The following PPP4R3A variants were observed in gnomAD, a reference collection of about 807,000 sequenced individuals.
PPP4R3A encodes protein phosphatase 4 regulatory subunit 3A.
PPP4R3A carries 15 observed loss-of-function variants against 91.7 expected under a neutral mutation model. The ratio of observed to expected loss-of-function variants is 0.16; its 90% CI spans 0.11 to 0.25. The LOEUF (loss-of-function observed/expected upper bound fraction) is 0.25. PPP4R3A is among the 10% of genes least tolerant of loss of function. The pLI is 1.00. For missense variants in PPP4R3A, 623 were observed against 998.4 expected (o/e 0.62, Z 5.07); for synonymous variants, 377 against 348.7 (o/e 1.08, Z -0.91).
Position 91,476,350 on chromosome 14 carries a change from A to C in PPP4R3A, c.1110+58T>G. 3.3e-6 allele frequency: 4 copies of C among 1,212,604 alleles called. No homozygotes were observed. In the South Asian group the frequency reaches 3.9e-5, roughly 12 times the overall value. 75.1% of individuals were successfully genotyped at this position (1,212,604 alleles called of 1,614,324 possible). ...ATAGAATATTTGCATGTAGCATTAA[A>C]AATATTAATTTTGGGATTAAAAAAT... On this transcript the variant is annotated intron_variant, in intron 6 of 14. Coordinates refer to ENST00000554943, the MANE Select transcript of PPP4R3A (RefSeq NM_001366432.2).
At chr14:91,475,590 CTG>C in intron 7 of PPP4R3A, 1 of 390,748 alleles carries the variant, frequency 2.6e-6, no homozygotes, top group Non-Finnish European at 4.5e-6. Flanking sequence ...CAAAAAAAAA[CTG>C]ACATGAATAT....
intron 1 of PPP4R3A, among the ~76,000 whole-genome samples, chr14:91,499,638 T>C (rs576500544): frequency 1.3e-5 from 2 of 151,862 alleles, no homozygotes; most frequent in South Asian, 4.2e-4. Flanking sequence ...CTGGCCAACA[T>C]GGTGAAATCT....
intron 9 of PPP4R3A, 98 bp downstream of exon 9, chr14:91,472,935 C>A: frequency 9.7e-7 from 1 of 1,031,858 alleles, no homozygotes; most frequent in Non-Finnish European, 1.5e-6. Context: ...CCAGCCTCTA[C>A]CTCCCACTAA....
chr14:91,467,804 T>A (rs1888566321), intron 10 of PPP4R3A, among the ~76,000 whole-genome samples: 1 of 152,140 alleles, frequency 6.6e-6, no homozygotes, highest in South Asian at 2.1e-4. Context: ...TATAAAAAAA[T>A]TAAAAGCTCC....
intron 1 of PPP4R3A, among the ~76,000 whole-genome samples, chr14:91,497,663 T>C (rs1008864178): frequency 1.3e-5 from 2 of 152,184 alleles, no homozygotes; most frequent in African/African-American, 2.4e-5. Flanking sequence ...TAATACTCAT[T>C]TACCAGTACC....
intron 10 of PPP4R3A, among the ~76,000 whole-genome samples, chr14:91,470,332 T>C (rs1162270134): frequency 1.3e-5 from 2 of 152,210 alleles, no homozygotes; most frequent in African/African-American, 4.8e-5. Flanking sequence ...AACTTATGTC[T>C]AAGAACAATC....
chr14:91,489,264 G>A (rs1336443490), intron 2 of PPP4R3A, among the ~76,000 whole-genome samples: 1 of 152,142 alleles, frequency 6.6e-6, no homozygotes, highest in Non-Finnish European at 1.5e-5. Flanking sequence ...CATCTTGGGG[G>A]TGAAAGGAAC....
At chr14:91,471,595 C>T (rs1012931961) in intron 9 of PPP4R3A, among the ~76,000 whole-genome samples, 1 of 152,132 alleles carries the variant, frequency 6.6e-6, no homozygotes, top group East Asian at 1.9e-4. Context: ...GAGTTCTCAT[C>T]TTAATAAAGG....
intron 1 of PPP4R3A, among the ~76,000 whole-genome samples, chr14:91,507,465 A>G (rs1303343532): frequency 2.3e-5 from 3 of 132,304 alleles, no homozygotes; most frequent in South Asian, 2.2e-4. Context: ...ATATACTATA[A>G]TTATATATAC....
chr14:91,487,914 T>C (rs962161348), intron 2 of PPP4R3A, among the ~76,000 whole-genome samples: 25 of 152,328 alleles, frequency 1.6e-4, no homozygotes, highest in Admixed American at 9.2e-4. Context: ...AGTTATGCCA[T>C]GTTGCCCAGG....
rs1258251481 is a variant in PPP4R3A at position 91,465,913 on chromosome 14, T to C, written c.1661-494A>G. Among the ~76,000 whole-genome samples the C allele has an allele frequency of 4.6e-5, 7 of 152,218 alleles. No homozygotes were observed. The East Asian group carries it at 1.3e-3, about 29-fold the overall frequency. ...TTTTATTTATTTGTGGATGTGGCTG[T>C]AGAAAGGCCATCAACCCACAAAAAT... On this transcript the variant is annotated intron_variant, in intron 10 of 14. Transcript: ENST00000554943.
At chr14:91,462,978 T>A in intron 11 of PPP4R3A, 101 bp from the exon 12 acceptor site, 1 of 896,518 alleles carries the variant, frequency 1.1e-6, no homozygotes, top group Non-Finnish European at 1.7e-6. Context: ...TAGCTTAATT[T>A]AATAAAACTA....
At chr14:91,469,225 A>G (rs973408468) in intron 10 of PPP4R3A, among the ~76,000 whole-genome samples, 1 of 152,146 alleles carries the variant, frequency 6.6e-6, no homozygotes, top group African/African-American at 2.4e-5. Flanking sequence ...TAAATGGGTT[A>G]ATTGTAAGAC....
chr14:91,465,108 A>T, intron 11 of PPP4R3A, 142 bp downstream of exon 11: 1 of 658,458 alleles, frequency 1.5e-6, no homozygotes, highest in Non-Finnish European at 2.3e-6. Context: ...GCTTGACTCA[A>T]ATCTCTCACA....
chr14:91,504,551 G>A (rs970341162), intron 1 of PPP4R3A, among the ~76,000 whole-genome samples: 2 of 151,286 alleles, frequency 1.3e-5, no homozygotes, highest in Non-Finnish European at 2.9e-5. Context: ...GCAGTGAGCC[G>A]AGATTGTGCC....
intron 1 of PPP4R3A, among the ~76,000 whole-genome samples, chr14:91,502,294 C>T (rs1891014472): frequency 6.6e-6 from 1 of 152,008 alleles, no homozygotes; most frequent in Non-Finnish European, 1.5e-5. Context: ...GGCCTGGTGG[C>T]ATGTGTCTAC....
intron 1 of PPP4R3A, among the ~76,000 whole-genome samples, chr14:91,503,370 C>T (rs1891079057): frequency 6.6e-6 from 1 of 151,828 alleles, no homozygotes; most frequent in Non-Finnish European, 1.5e-5. Context: ...TCACTGTAGC[C>T]TCGACCTCTG....
At chr14:91,475,166 T>C (rs574566084) in intron 7 of PPP4R3A, 1 of 151,950 alleles carries the variant, frequency 6.6e-6, no homozygotes, top group Admixed American at 6.6e-5. Flanking sequence ...CAAATTGTTA[T>C]GGGGGAAGCA....
rs566473093 is a variant in PPP4R3A, at chr14:91,475,676, A to G, written c.1266+135T>C. ...GATAAACTGAGACAGGAACCAATTT[A>G]GGGGAACAATAAGCTGTCTGATATT... On this transcript the variant is annotated intron_variant, in intron 7 of 14. Transcript: ENST00000554943. 126 of 785,852 alleles carry G rather than the reference A, an allele frequency of 1.6e-4. 1 individual carries two copies. In the African/African-American group the frequency reaches 2.0e-3, roughly 12 times the overall value. 48.7% of individuals were successfully genotyped at this position (785,852 alleles called of 1,614,324 possible). A position where few individuals can be genotyped will look rare whatever the true frequency, so the allele number is the denominator to read the frequency against.
Sources: allele counts gnomAD v4.1 joint callset (sites outside exome capture counted in the v4.1 genomes callset), GRCh38; gene constraint gnomAD v4.1.1; transcripts MANE v1.5; gene names NCBI Gene and HGNC (gene_info 2026-07-23, HGNC 2026-07-21).